AK5: variants seen among roughly 807,000 people sequenced by gnomAD.
AK5 encodes the protein adenylate kinase isoenzyme 5.
In AK5, 27 loss-of-function variants were observed where a neutral mutation model predicts 69.5. That is an observed-to-expected ratio of 0.39 (90% CI 0.29 to 0.54). The LOEUF (loss-of-function observed/expected upper bound fraction) is 0.54. AK5 is among the 20% of genes least tolerant of loss of function. AK5 has a pLI of 0.71. For synonymous variants in AK5, 260 were observed against 244.4 expected (o/e 1.06, Z -0.60); for missense variants, 531 against 700.4 (o/e 0.76, Z 2.73).
chr1:77,452,602 C>T (rs766026135), intron 8 of AK5, among the ~76,000 whole-genome samples: 10 of 152,140 alleles, frequency 6.6e-5, no homozygotes, highest in African/African-American at 1.4e-4. Flanking sequence ...GTCACCTATG[C>T]GGCCAGGCTA....
intron 5 of AK5, among the ~76,000 whole-genome samples, chr1:77,327,390 CAAA>C (rs4033041): frequency 2.9e-3 from 370 of 128,918 alleles, no homozygotes; most frequent in Middle Eastern, 4.1e-3. Flanking sequence ...GATCCTGTCT[CAAA>C]AAAAAAAAAA....
chr1:77,465,194 A>T (rs915248354), intron 8 of AK5, among the ~76,000 whole-genome samples: 1 of 152,174 alleles, frequency 6.6e-6, no homozygotes, highest in Non-Finnish European at 1.5e-5. Context: ...CTGCCACTTC[A>T]GGGTCCTGTA....
At chr1:77,473,927 G>A (rs1654674149) in intron 8 of AK5, among the ~76,000 whole-genome samples, 1 of 152,208 alleles carries the variant, frequency 6.6e-6, no homozygotes. Flanking sequence ...GATTCATGGG[G>A]AGTTTGGTGA....
chr1:77,422,525 A>T (rs1343213219), intron 8 of AK5, among the ~76,000 whole-genome samples: 1 of 152,102 alleles, frequency 6.6e-6, no homozygotes, highest in East Asian at 1.9e-4. Flanking sequence ...GGTCCCTCAA[A>T]TGGGTCATGT....
intron 12 of AK5, among the ~76,000 whole-genome samples, chr1:77,530,111 T>C (rs901780593): frequency 6.6e-6 from 1 of 152,216 alleles, no homozygotes; most frequent in African/African-American, 2.4e-5. Flanking sequence ...TATGCACACA[T>C]ACACAAAGTT....
chr1:77,361,430 A>G (rs1430879689), intron 6 of AK5, among the ~76,000 whole-genome samples: 1 of 152,196 alleles, frequency 6.6e-6, no homozygotes, highest in Non-Finnish European at 1.5e-5. Context: ...GATGGTTACT[A>G]TTAAGACTAA....
intron 8 of AK5, among the ~76,000 whole-genome samples, chr1:77,470,864 TATATATATATA>T (rs1368699003): frequency 5.8e-3 from 15 of 2,586 alleles, no homozygotes; most frequent in East Asian, 0.012. Context: ...TATATATATA[TATATATATATA>T]TTTTTTTTTT....
At chr1:77,548,349 A>G (rs143514621) in intron 13 of AK5, among the ~76,000 whole-genome samples, 62 of 152,306 alleles carry the variant, frequency 4.1e-4, no homozygotes, top group African/African-American at 1.4e-3. Context: ...AGTCTTTTAC[A>G]TAACCCCAAC....
chr1:77,316,751 G>A (rs890149013), intron 5 of AK5, among the ~76,000 whole-genome samples: 1 of 152,142 alleles, frequency 6.6e-6, no homozygotes, highest in Non-Finnish European at 1.5e-5. Flanking sequence ...ATTAGGTTTT[G>A]AAATTGATAA....
At chr1:77,302,693 C>T (rs528021536) in intron 5 of AK5, among the ~76,000 whole-genome samples, 13 of 152,218 alleles carry the variant, frequency 8.5e-5, no homozygotes, top group South Asian at 6.2e-4. Context: ...TAACCTTGTG[C>T]GGTCTTAAAT....
Position 77,435,984 on chromosome 1 carries a change from C to T in AK5, c.1059+18269C>T, listed in dbSNP as rs115099191. Among the ~76,000 whole-genome samples the T allele has an allele frequency of 9.7e-3, 1,474 of 152,258 alleles. 22 individuals carry two copies. Among genetic ancestry groups the T allele is most frequent in the Non-Finnish European group, 0.014 (924 of 68,014 alleles). ...ACAGACCTTTGATGGCATGCTTAAG[C>T]CGTTAGTTTTGTCCTATACATTCGC... On this transcript the variant is annotated intron_variant, in intron 8 of 13. Transcript: ENST00000354567.
chr1:77,403,977 G>T lies in AK5; in HGVS notation c.892-7004G>T, dbSNP rs565174838. Among the ~76,000 whole-genome samples the T allele has an allele frequency of 1.1e-4, 16 of 152,222 alleles. No homozygotes were observed. In the East Asian group the frequency reaches 2.5e-3, roughly 24 times the overall value. Reference sequence around the variant, plus strand: ...TTTGTATCCTCTTTTATTTCGTTGAGCAGTGGTTTGTAGTTCTCCTTGAAG... The same window carrying T: ...TTTGTATCCTCTTTTATTTCGTTGATCAGTGGTTTGTAGTTCTCCTTGAAG... On this transcript the variant is annotated intron_variant, in intron 6 of 13. Coordinates refer to ENST00000354567, the MANE Select transcript of AK5 (RefSeq NM_174858.3).
At chr1:77,372,774 T>C (rs867614605) in intron 6 of AK5, among the ~76,000 whole-genome samples, 2 of 143,846 alleles carry the variant, frequency 1.4e-5, no homozygotes, top group East Asian at 1.9e-4. Context: ...TGTGTGTGCG[T>C]GTGTGTGTGT....
chr1:77,442,476 C>T (rs113363157), intron 8 of AK5, among the ~76,000 whole-genome samples: 8,398 of 152,106 alleles, frequency 0.055, 315 homozygotes, highest in Middle Eastern at 0.12. Context: ...GGAGCTGCTG[C>T]GATCCTCTTG....
intron 10 of AK5, among the ~76,000 whole-genome samples, chr1:77,495,539 C>G (rs1182591877): frequency 6.6e-6 from 1 of 152,116 alleles, no homozygotes; most frequent in African/African-American, 2.4e-5. Context: ...CAATTTGAAC[C>G]CATAAAAGTA....
chr1:77,307,562 A>G (rs1659711843), intron 5 of AK5, among the ~76,000 whole-genome samples: 1 of 152,188 alleles, frequency 6.6e-6, no homozygotes, highest in Non-Finnish European at 1.5e-5. Flanking sequence ...GTGCTGAGGA[A>G]AAGAATGTGT....
chr1:77,391,477 GTGTGTA>G (rs1280035711), intron 6 of AK5, among the ~76,000 whole-genome samples: 7 of 70,776 alleles, frequency 9.9e-5, no homozygotes, highest in South Asian at 1.3e-3. Context: ...ACATATGTGT[GTGTGTA>G]TGTGTGTGTG....
intron 12 of AK5, among the ~76,000 whole-genome samples, chr1:77,522,674 A>C (rs1658057855): frequency 6.6e-6 from 1 of 151,714 alleles, no homozygotes; most frequent in Non-Finnish European, 1.5e-5. Flanking sequence ...GTAAGTAAAA[A>C]CCATTGTGGC....
At chr1:77,537,770 A>C (rs1166943344) in intron 13 of AK5, among the ~76,000 whole-genome samples, 1 of 152,224 alleles carries the variant, frequency 6.6e-6, no homozygotes, top group African/African-American at 2.4e-5. Flanking sequence ...ATCCTAAGAA[A>C]CACTGGGTAT....
Sources: gnomAD v4.1 joint callset for allele counts (sites outside exome capture counted in the v4.1 genomes callset) on GRCh38, gnomAD v4.1.1 for gene constraint, MANE v1.5 for transcripts, NCBI Gene and HGNC (gene_info 2026-07-23, HGNC 2026-07-21) for gene names.